The following SNX15 variants were observed in gnomAD, a reference collection of about 807,000 sequenced individuals.
The protein encoded by SNX15 is sorting nexin-15.
Under a neutral mutation model 35.2 loss-of-function variants are expected in SNX15, and 29 were observed. The observed-to-expected ratio is 0.82, with a 90% CI of 0.61 to 1.12. The LOEUF is 1.12. SNX15 is among the 50% of genes most tolerant of loss of function. The pLI is 0.00. For missense variants in SNX15, 400 were observed against 451.5 expected (o/e 0.89, Z 1.03); for synonymous variants, 189 against 188.2 (o/e 1.00, Z -0.03).
chr11:65,037,406 A>G (rs1946515465), intron 6 of SNX15: 1 of 151,558 alleles, frequency 6.6e-6, no homozygotes, highest in African/African-American at 2.4e-5. Flanking sequence ...TTTTGTAGAG[A>G]TGAGATCTCA....
rs1297967568 is a variant in SNX15 at position 65,038,657 on chromosome 11, G to T, written c.750G>T (p.Glu250Asp). Reference protein sequence around the residue: ...ESARLDQEPWEPGGQEEEEDG... With the variant: ...ESARLDQEPWDPGGQEEEEDG... Reference sequence around the variant, plus strand: ...CAAGGCTGGACCAGGAACCCTGGGAGCCAGGAGGGCAGGAGGAGGAAGAGG... The same window carrying T: ...CAAGGCTGGACCAGGAACCCTGGGATCCAGGAGGGCAGGAGGAGGAAGAGG... Residue 250 changes from glutamate (E) to aspartate (D), a missense_variant, in exon 7 of 8, where the codon GAG becomes GAT. Transcript: ENST00000377244. 1 of 1,612,860 alleles carries T rather than the reference G, an allele frequency of 6.2e-7. No individual in the cohort carries two copies. The highest frequency in any genetic ancestry group is 1.3e-5 in the African/African-American group (1 of 74,922).
Position 65,035,485 on chromosome 11 carries a change from GCAGGTATTCATGACCC to G in SNX15, c.521-32_521-17del, listed in dbSNP as rs1946490945. The stretch of plus-strand genomic sequence containing the variant: ...CTATTTTGAAAGCTGAGAAATAAAC[GCAGGTATTCATGACCC>G]CACTTATCTCTTCCTCAGTGGACCC... On this transcript the variant is annotated intron_variant, in intron 5 of 7. Transcript: ENST00000377244. The G allele has an allele frequency of 6.5e-7, 1 of 1,546,054 alleles. No individual in the cohort carries two copies. The highest frequency in any genetic ancestry group is 2.1e-5 in the Admixed American group (1 of 47,238).
At chr11:65,035,441 G>T in intron 5 of SNX15, 79 bp from the exon 6 acceptor site, 1 of 1,480,466 alleles carries the variant, frequency 6.8e-7, no homozygotes, top group South Asian at 1.3e-5. Context: ...TGCTGCAAGG[G>T]TTTAAGGAGA....
At position 65,035,665 on chromosome 11, in the gene SNX15, T is replaced by C; in HGVS notation, c.664+2T>C. Reference sequence around the variant, plus strand: ...TCTTCGACCCCTTCTCCAAGGAAGGTAATGAGCTGGGACAGCCGGGAAGGA... The same window carrying C: ...TCTTCGACCCCTTCTCCAAGGAAGGCAATGAGCTGGGACAGCCGGGAAGGA... On this transcript the variant is annotated splice_donor_variant, in intron 6 of 7. Coordinates refer to ENST00000377244, the MANE Select transcript of SNX15 (RefSeq NM_013306.5). LOFTEE classifies it high-confidence loss of function. 6.2e-7 allele frequency: 1 copy of C among 1,600,320 alleles called. No homozygotes were observed. Among genetic ancestry groups the C allele is most frequent in the Non-Finnish European group, 8.5e-7 (1 of 1,173,756 alleles).
intron 1 of SNX15, 43 bp downstream of exon 1, chr11:65,027,679 G>A: frequency 4.1e-6 from 6 of 1,458,252 alleles, no homozygotes; most frequent in Non-Finnish European, 5.8e-6. Context: ...TTAACTAGAG[G>A]GGCGCCGAGT....
intron 6 of SNX15, chr11:65,037,672 A>G (rs1292861309): frequency 6.6e-6 from 1 of 152,280 alleles, no homozygotes; most frequent in Non-Finnish European, 1.5e-5. Flanking sequence ...TCTCACCACC[A>G]GAATTCTCGA....
chr11:65,035,746 C>T (rs1946495214), intron 6 of SNX15, 83 bp downstream of exon 6: 5 of 1,430,082 alleles, frequency 3.5e-6, no homozygotes, highest in Non-Finnish European at 4.7e-6. Context: ...CTAGCCTGCT[C>T]AGTGCCTGCG....
intron 3 of SNX15, among the ~76,000 whole-genome samples, chr11:65,033,543 C>CAAAA (rs35724941): frequency 8.1e-5 from 7 of 86,462 alleles, no homozygotes; most frequent in African/African-American, 1.8e-4. Context: ...GACTCCGTCT[C>CAAAA]AAAAAAAAAA....
intron 6 of SNX15, chr11:65,036,911 GTGA>G (rs1946510240): frequency 2.0e-5 from 3 of 152,194 alleles, no homozygotes; most frequent in Non-Finnish European, 4.4e-5. Flanking sequence ...TGACACTCAA[GTGA>G]TCCACCTGCC....
intron 1 of SNX15, among the ~76,000 whole-genome samples, chr11:65,030,801 C>T (rs1173792861): frequency 5.9e-5 from 9 of 152,130 alleles, no homozygotes; most frequent in Non-Finnish European, 4.4e-5. Flanking sequence ...CCACACCTGG[C>T]CACTCAATGG....
intron 1 of SNX15, among the ~76,000 whole-genome samples, chr11:65,029,325 ATTCGTAT>A (rs1946413624): frequency 6.6e-6 from 1 of 150,614 alleles, no homozygotes; most frequent in Non-Finnish European, 1.5e-5. Context: ...CCCAGCTAAT[ATTCGTAT>A]TTTTTGGCAG....
intron 7 of SNX15, 122 bp from the exon 8 acceptor site, chr11:65,039,564 T>C (rs1946552742): frequency 3.2e-6 from 2 of 623,502 alleles, no homozygotes; most frequent in East Asian, 2.8e-5. Flanking sequence ...GAATGGATGC[T>C]GGGCCCCAGA....
At chr11:65,037,399 T>C (rs1946515356) in intron 6 of SNX15, 2 of 151,548 alleles carry the variant, frequency 1.3e-5, no homozygotes, top group African/African-American at 4.9e-5. Context: ...TTTGATTTTT[T>C]GTAGAGATGA....
chr11:65,032,236 G>A (rs1590739062), intron 2 of SNX15, 33 bp downstream of exon 2: 2 of 1,609,314 alleles, frequency 1.2e-6, no homozygotes, highest in Non-Finnish European at 1.7e-6. Flanking sequence ...GGACTGTTCT[G>A]CAGTTCCAGA....
At chr11:65,028,685 C>CT (rs1349415925) in intron 1 of SNX15, among the ~76,000 whole-genome samples, 1 of 76,124 alleles carries the variant, frequency 1.3e-5, no homozygotes. Flanking sequence ...ACACACACAA[C>CT]TTTAAAAAAA....
chr11:65,038,254 AG>A (rs1218979476), intron 6 of SNX15: 11 of 1,060,740 alleles, frequency 1.0e-5, no homozygotes, highest in Non-Finnish European at 1.3e-5. Context: ...AACTTTCTGG[AG>A]GGGATTTTTG....
intron 6 of SNX15, chr11:65,037,955 C>T (rs1428401222): frequency 6.6e-6 from 1 of 152,388 alleles, no homozygotes; most frequent in East Asian, 1.9e-4. Flanking sequence ...ACCTTCCCCT[C>T]AGAGGCCTTT....
intron 2 of SNX15, 110 bp from the exon 3 acceptor site, chr11:65,032,321 G>C (rs1946448662): frequency 6.3e-7 from 1 of 1,586,270 alleles, no homozygotes; most frequent in Non-Finnish European, 8.7e-7. Flanking sequence ...CCTGGGCGAG[G>C]GGCTGCTGCA....
At position 65,035,134 on chromosome 11, in the gene SNX15, C is replaced by A. The variant is rs1365330182; in HGVS notation, c.448C>A (p.Pro150Thr). ...GCCACCCCCTCTGATCCCCACCCCG[C>A]CCCCTGATGACCCCCGGCTATCCCA... ...ILPPPLIPTP[P>T]PDDPRLSQLL... Residue 150 changes from proline (P) to threonine (T), a missense_variant, in exon 5 of 8, where the codon CCC becomes ACC. Physicochemically the swap from Pro to Thr is conservative, Grantham distance 38. Transcript: ENST00000377244. 1.1e-5 allele frequency: 17 copies of A among 1,595,908 alleles called. No individual in the cohort carries two copies. Among genetic ancestry groups the A allele is most frequent in the Non-Finnish European group, 1.5e-5 (17 of 1,171,834 alleles).
Sources: allele counts gnomAD v4.1 joint callset (sites outside exome capture counted in the v4.1 genomes callset), GRCh38; gene constraint gnomAD v4.1.1; transcripts MANE v1.5; gene names NCBI Gene and HGNC (gene_info 2026-07-23, HGNC 2026-07-21).